HIVEP3: variants seen among roughly 807,000 people sequenced by gnomAD.
The protein encoded by HIVEP3 is HIVEP zinc finger 3.
In HIVEP3, 49 loss-of-function variants were observed where a neutral mutation model predicts 152.8. The observed-to-expected ratio is 0.32, with a 90% CI of 0.26 to 0.41. The LOEUF is 0.41. Ranked by LOEUF, HIVEP3 falls within the 10% of genes least tolerant of loss-of-function variation. HIVEP3 has a pLI of 1.00. For synonymous variants in HIVEP3, 1,269 were observed against 1,289.0 expected (o/e 0.98, Z 0.33); for missense variants, 2,790 against 3,103.3 (o/e 0.90, Z 2.40).
upstream of HIVEP3, among the ~76,000 whole-genome samples, chr1:41,923,362 T>C (rs1489599279): frequency 6.6e-6 from 1 of 152,188 alleles, no homozygotes; most frequent in Non-Finnish European, 1.5e-5. Flanking sequence ...TAGAGGACAT[T>C]ATGTTAAGTG....
intron 1 of HIVEP3, among the ~76,000 whole-genome samples, chr1:41,829,594 ATAAAT>A (rs1642903603): frequency 6.6e-6 from 1 of 151,768 alleles, no homozygotes; most frequent in African/African-American, 2.4e-5. Flanking sequence ...TTATAAATAA[ATAAAT>A]TAAATAATAA....
At chr1:41,792,544 G>A (rs772701590) in intron 1 of HIVEP3, among the ~76,000 whole-genome samples, 7 of 152,176 alleles carry the variant, frequency 4.6e-5, no homozygotes, top group Non-Finnish European at 7.3e-5. Flanking sequence ...TCAAAGTGAA[G>A]GGAAAAACTC....
chr1:41,685,352 T>C (rs1303699291), intron 2 of HIVEP3, among the ~76,000 whole-genome samples: 1 of 152,214 alleles, frequency 6.6e-6, no homozygotes, highest in Non-Finnish European at 1.5e-5. Flanking sequence ...TGTGGCTTTC[T>C]ATATGTTGAG....
chr1:41,730,472 G>A (rs1309693329), intron 1 of HIVEP3, among the ~76,000 whole-genome samples: 11 of 152,232 alleles, frequency 7.2e-5, no homozygotes, highest in African/African-American at 2.7e-4. Context: ...CCCAGTGCCT[G>A]AAGAGCCAGC....
chr1:41,746,367 C>T (rs1202938837), intron 1 of HIVEP3, among the ~76,000 whole-genome samples: 2 of 152,240 alleles, frequency 1.3e-5, no homozygotes, highest in Non-Finnish European at 2.9e-5. Flanking sequence ...GGAAATGGGA[C>T]TGGCTGTGAA....
intron 5 of HIVEP3, among the ~76,000 whole-genome samples, chr1:41,569,780 C>T (rs146548949): frequency 8.8e-4 from 134 of 152,276 alleles, no homozygotes; most frequent in African/African-American, 2.8e-3. Flanking sequence ...GTCACAAAAA[C>T]GTGCTGCGTA....
At chr1:41,959,441 A>G (rs562863388) in intron 1 of HIVEP3, among the ~76,000 whole-genome samples, 1 of 152,338 alleles carries the variant, frequency 6.6e-6, no homozygotes, top group East Asian at 1.9e-4. Flanking sequence ...AATCCACCTT[A>G]CAGCAAAGAA....
chr1:41,902,864 C>T (rs1452873898), intron 1 of HIVEP3, among the ~76,000 whole-genome samples: 2 of 152,156 alleles, frequency 1.3e-5, no homozygotes, highest in African/African-American at 4.8e-5. Context: ...AGAAAGACAT[C>T]GAGGCTCTTA....
At chr1:41,839,528 C>A (rs186970228) in intron 1 of HIVEP3, among the ~76,000 whole-genome samples, 2 of 152,186 alleles carry the variant, frequency 1.3e-5, no homozygotes, top group Admixed American at 1.3e-4. Flanking sequence ...CCTGTGGGCA[C>A]CCCCAAGGCA....
intron 1 of HIVEP3, among the ~76,000 whole-genome samples, chr1:41,813,489 C>T (rs1651087194): frequency 1.3e-5 from 2 of 152,222 alleles, no homozygotes; most frequent in Admixed American, 6.5e-5. Flanking sequence ...GACTGTGCAC[C>T]CACATACCGC....
intron 1 of HIVEP3, among the ~76,000 whole-genome samples, chr1:41,888,795 CCAAA>C (rs1275307172): frequency 7.4e-6 from 1 of 135,082 alleles, no homozygotes; most frequent in Non-Finnish European, 1.6e-5. Flanking sequence ...CATACACATA[CCAAA>C]CACACACACA....
chr1:41,585,197 A>G lies in HIVEP3; in HGVS notation c.-400T>C, dbSNP rs1317441414. 2 of 399,216 alleles carry G rather than the reference A, an allele frequency of 5.0e-6. No homozygotes were observed. Among genetic ancestry groups the G allele is most frequent in the South Asian group, 1.3e-4 (1 of 7,832 alleles). The allele number at this position is 399,216 out of a possible 1,614,324, so 24.7% of individuals were successfully genotyped here. A position where few individuals can be genotyped will look rare whatever the true frequency, so the allele number is the denominator to read the frequency against. The stretch of plus-strand genomic sequence containing the variant: ...TTGAAGGTTGGAGACATCTGTGTCC[A>G]TGGCCCAGTCATCCCTGGTCCTGGC... On this transcript the variant is annotated 5_prime_UTR_variant, in exon 4 of 9. An upstream start codon of the reference 5' UTR is lost. Transcript: ENST00000372583.
intron 1 of HIVEP3, among the ~76,000 whole-genome samples, chr1:41,889,945 A>T (rs1215548397): frequency 1.3e-5 from 2 of 152,218 alleles, no homozygotes; most frequent in Non-Finnish European, 2.9e-5. Context: ...GTTTAACCAT[A>T]ATAACATTGC....
intron 1 of HIVEP3, among the ~76,000 whole-genome samples, chr1:41,951,478 T>A (rs1262711713): frequency 1.3e-5 from 2 of 152,342 alleles, no homozygotes; most frequent in African/African-American, 4.8e-5. Flanking sequence ...TCTCTTCTTG[T>A]CTGGGTGGAG....
At chr1:41,602,390 T>C (rs1337183479) in intron 3 of HIVEP3, among the ~76,000 whole-genome samples, 1 of 152,144 alleles carries the variant, frequency 6.6e-6, no homozygotes, top group African/African-American at 2.4e-5. Context: ...CTTTTCCTTG[T>C]TGGGAGTTTT....
chr1:41,530,471 A>C (rs1240887308), intron 5 of HIVEP3, among the ~76,000 whole-genome samples: 2 of 152,222 alleles, frequency 1.3e-5, no homozygotes, highest in African/African-American at 4.8e-5. Context: ...TGGCCAGGGA[A>C]GATGGCTGAG....
intron 1 of HIVEP3, among the ~76,000 whole-genome samples, chr1:41,908,864 C>T (rs548971910): frequency 2.0e-5 from 3 of 152,170 alleles, no homozygotes; most frequent in Admixed American, 6.5e-5. Context: ...TGTGGCCTCA[C>T]GGGAAGAGGA....
chr1:41,589,195 C>G (rs1183385345), intron 3 of HIVEP3, among the ~76,000 whole-genome samples: 2 of 152,180 alleles, frequency 1.3e-5, no homozygotes, highest in Non-Finnish European at 1.5e-5. Flanking sequence ...GGCCCAGGAG[C>G]TGGGCCAACA....
intron 1 of HIVEP3, among the ~76,000 whole-genome samples, chr1:41,854,326 G>A (rs72963228): frequency 0.012 from 1,825 of 152,150 alleles, 30 homozygotes; most frequent in African/African-American, 0.041. Context: ...GAAGGGCCAC[G>A]GGTGCCTGGT....
Sources: allele counts gnomAD v4.1 joint callset (sites outside exome capture counted in the v4.1 genomes callset), GRCh38; gene constraint gnomAD v4.1.1; transcripts MANE v1.5; gene names NCBI Gene and HGNC (gene_info 2026-07-23, HGNC 2026-07-21).